Variants in SGK1 observed in about 807,000 individuals in gnomAD.
SGK1 encodes the protein serine/threonine-protein kinase Sgk1.
A neutral mutation model predicts 64.2 loss-of-function variants in SGK1; 26 were observed. The observed-to-expected ratio is 0.40, with a 90% confidence interval of 0.30 to 0.56. The LOEUF (loss-of-function observed/expected upper bound fraction) is 0.56, where lower values mean the gene tolerates loss of function less well. Ranked by LOEUF, SGK1 falls within the 20% of genes least tolerant of loss-of-function variation. The pLI is 0.38. For missense variants in SGK1, 519 were observed against 645.6 expected, an observed-to-expected ratio of 0.80 and a Z score of 2.12; for synonymous variants, 265 against 239.7, an observed-to-expected ratio of 1.11 and a Z score of -0.98.
chr6:134,279,272 A>G (rs1777059914), intron 1 of SGK1, among the ~76,000 whole-genome samples: 1 of 152,052 alleles, frequency 6.6e-6, no homozygotes, highest in South Asian at 2.1e-4. Flanking sequence ...TCTTTATTAA[A>G]AATACAAAAA....
chr6:134,174,596 A>G lies in SGK1; in HGVS notation c.362-10T>C, dbSNP rs199923272. On this transcript the variant is annotated splice_polypyrimidine_tract_variant and intron_variant, in intron 3 of 13. Coordinates refer to ENST00000367858, the MANE Select transcript of SGK1 (RefSeq NM_001143676.3). Reference sequence around the variant, plus strand: ...CTCTGCTTCATGAAAGCTGTGGATGAAGGAGGAGAAATAAAGAAACGTTTA... The same window carrying G: ...CTCTGCTTCATGAAAGCTGTGGATGGAGGAGGAGAAATAAAGAAACGTTTA... 1,957 of 1,612,824 alleles carry G rather than the reference A, an allele frequency of 1.2e-3. 3 individuals carry two copies. The highest frequency in any genetic ancestry group is 1.6e-3 in the Non-Finnish European group (1,852 of 1,178,762).
chr6:134,206,954 G>A lies in SGK1; in HGVS notation c.361+402C>T, dbSNP rs563510521. Among the ~76,000 whole-genome samples, 1,401 of 152,070 alleles carry A rather than the reference G, an allele frequency of 9.2e-3. 4 individuals carry two copies. Among genetic ancestry groups the A allele is most frequent in the African/African-American group, 0.019 (787 of 41,488 alleles). On this transcript the variant is annotated intron_variant, in intron 3 of 13. Transcript: ENST00000367858. The stretch of plus-strand genomic sequence containing the variant: ...AGAATAAATAAACAAGGCCGGGCGC[G>A]GTGGCTCACGCCTGTAATCCCAGCA...
At chr6:134,229,115 G>C (rs1471602802) in intron 2 of SGK1, among the ~76,000 whole-genome samples, 2 of 152,262 alleles carry the variant, frequency 1.3e-5, no homozygotes, top group Non-Finnish European at 2.9e-5. Flanking sequence ...ACAGGCGTGA[G>C]CCACCGCGCC....
At chr6:134,175,495 C>T in intron 3 of SGK1, 1 of 1,413,672 alleles carries the variant, frequency 7.1e-7, no homozygotes, top group Non-Finnish European at 9.3e-7. Flanking sequence ...CTCCAAGCCG[C>T]TCTGGGGAAG....
intron 2 of SGK1, among the ~76,000 whole-genome samples, chr6:134,241,698 G>A (rs1218970254): frequency 6.6e-6 from 1 of 152,168 alleles, no homozygotes; most frequent in Non-Finnish European, 1.5e-5. Context: ...TCGGCTCGCT[G>A]CAAGCTCCGC....
intron 2 of SGK1, among the ~76,000 whole-genome samples, chr6:134,241,359 T>G (rs111767369): frequency 6.6e-6 from 1 of 151,956 alleles, no homozygotes; most frequent in Admixed American, 6.6e-5. Flanking sequence ...TCTGAAGATG[T>G]TTTTTTCTTT....
intron 2 of SGK1, among the ~76,000 whole-genome samples, chr6:134,253,637 A>G (rs1776638385): frequency 6.6e-6 from 1 of 152,184 alleles, no homozygotes; most frequent in South Asian, 2.1e-4. Context: ...TGGGCAACAG[A>G]GTGAGACCTT....
chr6:134,257,463 C>G (rs1199467097), intron 2 of SGK1, among the ~76,000 whole-genome samples: 1 of 152,148 alleles, frequency 6.6e-6, no homozygotes, highest in Non-Finnish European at 1.5e-5. Context: ...AAAAGACTTG[C>G]ACTTAATTTG....
intron 1 of SGK1, among the ~76,000 whole-genome samples, chr6:134,279,249 T>C (rs535919689): frequency 6.2e-4 from 95 of 152,130 alleles, no homozygotes; most frequent in Non-Finnish European, 8.8e-5. Context: ...CTGGCCAACA[T>C]GGTGAAACCC....
intron 1 of SGK1, among the ~76,000 whole-genome samples, chr6:134,272,895 T>C (rs1202073253): frequency 1.3e-5 from 2 of 148,374 alleles, no homozygotes; most frequent in Admixed American, 6.9e-5. Flanking sequence ...CATTTGCATA[T>C]ACTCTGCAGC....
intron 2 of SGK1, among the ~76,000 whole-genome samples, chr6:134,208,431 A>G (rs965764729): frequency 6.6e-6 from 1 of 152,098 alleles, no homozygotes; most frequent in Non-Finnish European, 1.5e-5. Flanking sequence ...GTATGGTTAC[A>G]TGGATAAGTT....
At chr6:134,213,643 T>TAAATAAATA (rs11409950) in intron 2 of SGK1, among the ~76,000 whole-genome samples, 5 of 27,882 alleles carry the variant, frequency 1.8e-4, no homozygotes, top group South Asian at 2.0e-3. Context: ...AATAAATAAA[T>TAAATAAATA]AATAAATAAA....
rs561113961 is a variant in SGK1 at position 134,314,967 on chromosome 6, G to T, written c.69+2425C>A. ...CTGAACTGCAAACAAAGGCATTGTA[G>T]TATATGAATGTGTATGTGAAGTAAA... On this transcript the variant is annotated intron_variant, in intron 1 of 13. Transcript: ENST00000367858. Among the ~76,000 whole-genome samples the T allele has an allele frequency of 4.6e-5, 7 of 152,244 alleles. No individual in the cohort carries two copies. In the South Asian group the frequency reaches 1.2e-3, roughly 27 times the overall value.
At chr6:134,174,151 T>C in intron 4 of SGK1, 71 bp from the exon 5 acceptor site, 1 of 1,113,536 alleles carries the variant, frequency 9.0e-7, no homozygotes, top group Non-Finnish European at 1.3e-6. Flanking sequence ...CAAAAGTGAG[T>C]TTCTGGCTCT....
intron 1 of SGK1, among the ~76,000 whole-genome samples, chr6:134,300,279 C>T (rs546830910): frequency 1.1e-4 from 17 of 151,364 alleles, no homozygotes; most frequent in African/African-American, 3.9e-4. Flanking sequence ...TGGCTCACGC[C>T]TGTAATCCCA....
chr6:134,300,296 T>C (rs1331539458), intron 1 of SGK1, among the ~76,000 whole-genome samples: 1 of 151,908 alleles, frequency 6.6e-6, no homozygotes, highest in Non-Finnish European at 1.5e-5. Flanking sequence ...CCCAGCACTT[T>C]GGGAGGCCGA....
chr6:134,308,372 T>G (rs115988728), intron 1 of SGK1, among the ~76,000 whole-genome samples: 1,833 of 152,324 alleles, frequency 0.012, 37 homozygotes, highest in African/African-American at 0.042. Flanking sequence ...TCTAAATATG[T>G]TTTAACAATT....
At chr6:134,286,826 T>C (rs1777191676) in intron 1 of SGK1, among the ~76,000 whole-genome samples, 1 of 152,156 alleles carries the variant, frequency 6.6e-6, no homozygotes, top group South Asian at 2.1e-4. Flanking sequence ...GTTATAGAAG[T>C]ATAATTATTA....
chr6:134,313,848 A>C (rs1236722065), intron 1 of SGK1, among the ~76,000 whole-genome samples: 2 of 152,220 alleles, frequency 1.3e-5, no homozygotes, highest in African/African-American at 2.4e-5. Flanking sequence ...CGTTTTCTAA[A>C]TCATTATGTA....
Sources: gnomAD v4.1 joint callset for allele counts (sites outside exome capture counted in the v4.1 genomes callset) on GRCh38, gnomAD v4.1.1 for gene constraint, MANE v1.5 for transcripts, NCBI Gene and HGNC (gene_info 2026-07-23, HGNC 2026-07-21) for gene names.